The following SUPT3H variants were observed in gnomAD, a reference collection of about 807,000 sequenced individuals.
SUPT3H encodes transcription initiation protein SPT3 homolog.
In SUPT3H, 44 loss-of-function variants were observed where a neutral mutation model predicts 44.3. The observed-to-expected ratio is 0.99, with a 90% CI of 0.78 to 1.28. SUPT3H has a LOEUF of 1.28. Among genes scored for constraint, SUPT3H ranks in the 50% most tolerant of loss-of-function variants. SUPT3H has a pLI of 0.00. For synonymous variants in SUPT3H, 124 were observed against 125.6 expected (o/e 0.99, Z 0.09); for missense variants, 380 against 387.1 (o/e 0.98, Z 0.15).
intron 10 of SUPT3H, among the ~76,000 whole-genome samples, chr6:44,885,473 T>C (rs919338999): frequency 1.3e-5 from 2 of 152,212 alleles, no homozygotes; most frequent in African/African-American, 4.8e-5. Flanking sequence ...TCCGCTGTTC[T>C]GCAGCCACCG....
At chr6:45,063,215 C>G (rs375910907) in intron 3 of SUPT3H, among the ~76,000 whole-genome samples, 7 of 143,846 alleles carry the variant, frequency 4.9e-5, no homozygotes, top group African/African-American at 1.1e-4. Flanking sequence ...ACACCTCACA[C>G]GGCAGGGTAT....
chr6:45,062,607 C>A (rs1190474149), intron 3 of SUPT3H, among the ~76,000 whole-genome samples: 1 of 152,260 alleles, frequency 6.6e-6, no homozygotes, highest in East Asian at 1.9e-4. Flanking sequence ...GGTGCGCGCA[C>A]CATGCGCAAG....
chr6:44,990,194 G>A (rs571308650), intron 6 of SUPT3H, among the ~76,000 whole-genome samples: 15 of 148,322 alleles, frequency 1.0e-4, no homozygotes, highest in South Asian at 4.2e-4. Context: ...TTTTTTTTTC[G>A]CATGTGGATA....
At chr6:45,328,273 G>A in intron 2 of SUPT3H, 1 of 1,358,310 alleles carries the variant, frequency 7.4e-7, no homozygotes, top group Non-Finnish European at 9.8e-7. Context: ...CAGTAATAGT[G>A]CTTGCAAAAA....
At chr6:44,954,679 C>G (rs1016683621) in intron 7 of SUPT3H, 72 bp from the exon 8 acceptor site, 1 of 836,058 alleles carries the variant, frequency 1.2e-6, no homozygotes. Flanking sequence ...ATTACTATCA[C>G]AAAATTAAAA....
chr6:45,217,839 G>A (rs72857063), intron 2 of SUPT3H, among the ~76,000 whole-genome samples: 5,332 of 151,776 alleles, frequency 0.035, 125 homozygotes, highest in Non-Finnish European at 0.056. Context: ...GCAGTAGGCC[G>A]AGATCACACT....
intron 2 of SUPT3H, among the ~76,000 whole-genome samples, chr6:45,186,074 T>A (rs1278239760): frequency 6.6e-6 from 1 of 152,122 alleles, no homozygotes; most frequent in Non-Finnish European, 1.5e-5. Context: ...CAAGAAGGCA[T>A]CAGTGGGCTG....
chr6:44,882,331 C>A (rs1778378634), intron 10 of SUPT3H, among the ~76,000 whole-genome samples: 1 of 152,136 alleles, frequency 6.6e-6, no homozygotes, highest in Non-Finnish European at 1.5e-5. Flanking sequence ...CAAGACTAAA[C>A]TAAGAAGAAG....
At chr6:45,013,495 C>T (rs1783796488) in intron 5 of SUPT3H, among the ~76,000 whole-genome samples, 2 of 152,230 alleles carry the variant, frequency 1.3e-5, no homozygotes, top group African/African-American at 4.8e-5. Flanking sequence ...CCTGGAAAGA[C>T]TTCCCTGGAT....
intron 9 of SUPT3H, among the ~76,000 whole-genome samples, chr6:44,949,681 A>G (rs755036574): frequency 6.6e-6 from 1 of 152,102 alleles, no homozygotes; most frequent in Non-Finnish European, 1.5e-5. Context: ...ATGGCCAATC[A>G]ATACATTAAA....
chr6:45,114,642 T>G (rs1399732952), intron 2 of SUPT3H, among the ~76,000 whole-genome samples: 5 of 152,158 alleles, frequency 3.3e-5, no homozygotes, highest in African/African-American at 7.2e-5. Flanking sequence ...CTTTATGAAT[T>G]TCTTCTAACA....
intron 10 of SUPT3H, among the ~76,000 whole-genome samples, chr6:44,844,568 T>C (rs1356457149): frequency 6.6e-6 from 1 of 152,212 alleles, no homozygotes; most frequent in Non-Finnish European, 1.5e-5. Context: ...AAAAGGAATG[T>C]ATTATTGATA....
In SUPT3H at chr6:44,991,563, A is replaced by G. The variant is rs147363941; in HGVS notation, c.504+12090T>C. Among the ~76,000 whole-genome samples the G allele has an allele frequency of 1.4e-3, 214 of 152,134 alleles. 2 individuals carry two copies. The Middle Eastern group carries it at 0.024, about 17-fold the overall frequency. On this transcript the variant is annotated intron_variant, in intron 6 of 10. Transcript: ENST00000371459. ...TAGATGGAGTCTCCCTCTGTTGCCT[A>G]CGCTGGAGTACAGTGACACGACCTC...
chr6:45,222,773 GC>G (rs1474465381), intron 2 of SUPT3H, among the ~76,000 whole-genome samples: 5 of 152,014 alleles, frequency 3.3e-5, no homozygotes, highest in Non-Finnish European at 5.9e-5. Context: ...ATTTTTAATA[GC>G]CCAAAACTGG....
chr6:45,324,615 T>TA (rs142783206), intron 2 of SUPT3H, among the ~76,000 whole-genome samples: 3,645 of 150,248 alleles, frequency 0.024, 149 homozygotes, highest in African/African-American at 0.082. Context: ...GAGAGATTGG[T>TA]AGAGAGAGAG....
At chr6:45,190,981 T>C (rs1013655380) in intron 2 of SUPT3H, among the ~76,000 whole-genome samples, 2 of 152,116 alleles carry the variant, frequency 1.3e-5, no homozygotes, top group African/African-American at 2.4e-5. Flanking sequence ...TAAAATGATT[T>C]GCCACTTTGG....
At chr6:44,898,924 C>G (rs1478639917) in intron 10 of SUPT3H, 2 of 152,136 alleles carry the variant, frequency 1.3e-5, no homozygotes, top group African/African-American at 4.8e-5. Flanking sequence ...TTTTTTTTAT[C>G]AACAGAAATT....
chr6:45,280,719 A>C (rs1490322552), intron 2 of SUPT3H, among the ~76,000 whole-genome samples: 1 of 152,224 alleles, frequency 6.6e-6, no homozygotes, highest in African/African-American at 2.4e-5. Context: ...AGAGGAAACC[A>C]ACTACAGAAC....
At chr6:45,210,702 A>C (rs1436999395) in intron 2 of SUPT3H, among the ~76,000 whole-genome samples, 1 of 152,198 alleles carries the variant, frequency 6.6e-6, no homozygotes, top group Non-Finnish European at 1.5e-5. Flanking sequence ...TAAACTTTCT[A>C]AACTGATTGA....
Sources: allele counts gnomAD v4.1 joint callset (sites outside exome capture counted in the v4.1 genomes callset), GRCh38; gene constraint gnomAD v4.1.1; transcripts MANE v1.5; gene names NCBI Gene and HGNC (gene_info 2026-07-23, HGNC 2026-07-21).